The following ZNF267 variants were observed in gnomAD, a reference collection of about 807,000 sequenced individuals.
The protein encoded by ZNF267 is zinc finger (C2H2).
A neutral mutation model predicts 71.6 loss-of-function variants in ZNF267; 61 were observed. The ratio of observed to expected loss-of-function variants is 0.85; its 90% CI spans 0.69 to 1.05. The LOEUF is 1.05. Among genes scored for constraint, ZNF267 ranks in the 50% least tolerant of loss-of-function variants. ZNF267 has a pLI of 0.00. For synonymous variants in ZNF267, 288 were observed against 293.2 expected, an observed-to-expected ratio of 0.98 and a Z score of 0.18; for missense variants, 852 against 870.0, an observed-to-expected ratio of 0.98 and a Z score of 0.26.
chr16:31,902,235 C>T (rs1168946662), intron 3 of ZNF267, among the ~76,000 whole-genome samples: 3 of 152,040 alleles, frequency 2.0e-5, no homozygotes, highest in African/African-American at 7.2e-5. Context: ...CATGATGCCT[C>T]CAGCTTTGTT....
intron 3 of ZNF267, among the ~76,000 whole-genome samples, chr16:31,897,554 C>T (rs960759797): frequency 2.0e-5 from 3 of 151,542 alleles, no homozygotes; most frequent in African/African-American, 4.8e-5. Flanking sequence ...TCCTTTTTTT[C>T]CCCCCAAGAT....
intron 3 of ZNF267, chr16:31,894,604 G>T: frequency 6.2e-6 from 3 of 486,268 alleles, no homozygotes; most frequent in South Asian, 3.2e-5. Flanking sequence ...TTCAGATAAT[G>T]ACTTCAGTGC....
chr16:31,912,144 T>C lies in ZNF267; in HGVS notation c.227-2332T>C, dbSNP rs1596631293. On this transcript the variant is annotated intron_variant, in intron 3 of 3. Transcript: ENST00000300870. ...TCTCTGTGCTATTACCAATGAGTTCTGTACCTTCAGATGACTTCTTATTGT... is the reference window on the plus strand; with the variant it reads ...TCTCTGTGCTATTACCAATGAGTTCCGTACCTTCAGATGACTTCTTATTGT... The C allele has an allele frequency of 2.0e-5, 3 of 151,864 alleles. No homozygotes were observed. In the Middle Eastern group the frequency reaches 0.01, roughly 520 times the overall value. The allele number at this position is 151,864 out of a possible 1,614,324, so 9.4% of individuals were successfully genotyped here.
At chr16:31,885,708 G>GA (rs1713279667) in intron 3 of ZNF267, among the ~76,000 whole-genome samples, 1 of 152,152 alleles carries the variant, frequency 6.6e-6, no homozygotes, top group Admixed American at 6.5e-5. Flanking sequence ...CATATTTTCT[G>GA]ATACATTAAT....
intron 3 of ZNF267, among the ~76,000 whole-genome samples, chr16:31,906,796 G>GA (rs1042122864): frequency 6.6e-6 from 1 of 151,904 alleles, no homozygotes; most frequent in Non-Finnish European, 1.5e-5. Context: ...TGCATCCACT[G>GA]TCTGGCACTC....
chr16:31,882,404 T>C (rs540157332), intron 1 of ZNF267, among the ~76,000 whole-genome samples: 52 of 152,334 alleles, frequency 3.4e-4, no homozygotes, highest in South Asian at 1.4e-3. Context: ...GACTCTGTGC[T>C]GTGTCTGCTT....
intron 1 of ZNF267, among the ~76,000 whole-genome samples, chr16:31,875,695 C>T (rs186719165): frequency 3.0e-4 from 46 of 152,244 alleles, no homozygotes; most frequent in East Asian, 1.3e-3. Flanking sequence ...CAAATGATAC[C>T]GTGACCTGAC....
intron 1 of ZNF267, among the ~76,000 whole-genome samples, chr16:31,879,604 A>G (rs1163172649): frequency 2.0e-5 from 3 of 152,200 alleles, no homozygotes; most frequent in African/African-American, 7.2e-5. Context: ...CACAACCCAC[A>G]TTTGTGCAGC....
rs767633055 is a variant in ZNF267, at chr16:31,916,014, T to G, written c.1765T>G (p.Ser589Ala). 5 of 1,612,802 alleles carry G rather than the reference T, an allele frequency of 3.1e-6. No homozygotes were observed. The Admixed American group carries it at 8.3e-5, about 27-fold the overall frequency. ...KACSKSFSDSSGLTVHRRTHT... is the reference protein window; with the variant it reads ...KACSKSFSDSAGLTVHRRTHT... ...ATGTAGCAAATCTTTTAGTGACTCC[T>G]CAGGTCTTACTGTGCATCGGCGAAC... The change falls in exon 4 of 4, where the codon TCA becomes GCA. Residue 589 changes from serine (S) to alanine (A), a missense_variant. By Grantham distance (99) the Ser-to-Ala change is moderately conservative (BLOSUM62 1). Transcript: ENST00000300870.
chr16:31,896,131 C>T (rs2083996501), intron 3 of ZNF267, among the ~76,000 whole-genome samples: 1 of 152,130 alleles, frequency 6.6e-6, no homozygotes, highest in African/African-American at 2.4e-5. Context: ...CCTGTCTCAT[C>T]CACTTGAGTA....
intron 1 of ZNF267, among the ~76,000 whole-genome samples, chr16:31,878,167 A>G (rs1054199926): frequency 9.9e-5 from 15 of 152,128 alleles, no homozygotes; most frequent in African/African-American, 3.6e-4. Flanking sequence ...TACACATTTG[A>G]TGTCAGAAGA....
chr16:31,874,028 G>T, intron 1 of ZNF267, 59 bp downstream of exon 1: 2 of 1,593,232 alleles, frequency 1.3e-6, no homozygotes, highest in South Asian at 1.1e-5. Flanking sequence ...GGAAGCGGCG[G>T]GAACCCGCTG....
chr16:31,879,474 A>G (rs1437759859), intron 1 of ZNF267, among the ~76,000 whole-genome samples: 1 of 152,108 alleles, frequency 6.6e-6, no homozygotes, highest in Non-Finnish European at 1.5e-5. Flanking sequence ...AGATGATTTT[A>G]TGATTTTCTT....
intron 3 of ZNF267, among the ~76,000 whole-genome samples, chr16:31,904,901 C>T (rs2084075313): frequency 6.6e-6 from 1 of 152,180 alleles, no homozygotes; most frequent in South Asian, 2.1e-4. Context: ...TACAGTTTGG[C>T]ATGTTTTTGC....
chr16:31,881,952 C>T (rs954957980), intron 1 of ZNF267, among the ~76,000 whole-genome samples: 5 of 152,190 alleles, frequency 3.3e-5, no homozygotes, highest in Non-Finnish European at 7.3e-5. Flanking sequence ...AGGCGTGAGC[C>T]ACCGTGCCCA....
chr16:31,906,852 C>T (rs1596628284), intron 3 of ZNF267, among the ~76,000 whole-genome samples: 1 of 152,000 alleles, frequency 6.6e-6, no homozygotes, highest in African/African-American at 2.4e-5. Context: ...GCAGAAATCA[C>T]CCGTCTTCTG....
Position 31,916,121 on chromosome 16 carries a change from A to T in ZNF267, c.1872A>T (p.Arg624Ser). 6.2e-7 allele frequency: 1 copy of T among 1,614,162 alleles called. No individual in the cohort carries two copies. Among genetic ancestry groups the T allele is most frequent in the South Asian group, 1.1e-5 (1 of 91,090 alleles). ...GTTCAGATGTTATTCAGCATCGGAG[A>T]ATTCATACTGGCCAGAGACCCTACA... ...SYSSDVIQHRRIHTGQRPYKC... is the reference protein window; with the variant it reads ...SYSSDVIQHRSIHTGQRPYKC... The change falls in exon 4 of 4, where the codon AGA (arginine) becomes AGT (serine). Residue 624 changes from arginine (R) to serine (S), a missense_variant. Coordinates refer to ENST00000300870, the MANE Select transcript of ZNF267 (RefSeq NM_003414.6).
chr16:31,901,055 G>A (rs996004819), intron 3 of ZNF267, among the ~76,000 whole-genome samples: 6 of 151,902 alleles, frequency 3.9e-5, no homozygotes. Context: ...GCGGTGTTTC[G>A]TTTTTTGTCC....
chr16:31,880,802 C>G (rs980482622), intron 1 of ZNF267, among the ~76,000 whole-genome samples: 2 of 152,174 alleles, frequency 1.3e-5, no homozygotes, highest in African/African-American at 4.8e-5. Context: ...AGGAGGAGTT[C>G]TGGAGACTCA....
Sources: allele counts gnomAD v4.1 joint callset (sites outside exome capture counted in the v4.1 genomes callset), GRCh38; gene constraint gnomAD v4.1.1; transcripts MANE v1.5; gene names NCBI Gene and HGNC (gene_info 2026-07-23, HGNC 2026-07-21).